DLGAP1: variants seen among roughly 807,000 people sequenced by gnomAD.
The protein encoded by DLGAP1 is disks large-associated protein 1.
In DLGAP1, 11 loss-of-function variants were observed where a neutral mutation model predicts 90.8. That is an observed-to-expected ratio of 0.12 (90% confidence interval 0.08 to 0.20). The LOEUF (loss-of-function observed/expected upper bound fraction) is 0.20. Among genes scored for constraint, DLGAP1 ranks in the 10% least tolerant of loss-of-function variants. The probability of loss-of-function intolerance (pLI) is 1.00; values close to 1 mark genes in which losing one functional copy is unlikely to be tolerated. For synonymous variants in DLGAP1, 558 were observed against 540.7 expected (o/e 1.03, Z -0.44); for missense variants, 1,050 against 1,333.8 (o/e 0.79, Z 3.31).
Position 3,729,358 on chromosome 18 carries a change from C to T in DLGAP1, c.1368G>A (p.Val456=), listed in dbSNP as rs779783305. 30 of 1,613,220 alleles carry T rather than the reference C, an allele frequency of 1.9e-5. No homozygotes were observed. The highest frequency in any genetic ancestry group is 6.7e-5 in the East Asian group (3 of 44,836). The part of the protein sequence containing the change: ...STISQVSEME[V]NGQFESVCES... ...CGCACACGGACTCGAACTGCCCGTT[C>T]ACTTCCATCTCGCTCACCTGCGGGC... Residue 456 remains valine, a synonymous_variant, in exon 7 of 13, where the codon GTG becomes GTA. Coordinates refer to ENST00000315677, the MANE Select transcript of DLGAP1 (RefSeq NM_004746.4). The surrounding 1 kb of genome is among the most constrained non-coding windows in gnomAD (Gnocchi z 6.2).
chr18:3,555,895 T>G (rs1403003582), intron 9 of DLGAP1, among the ~76,000 whole-genome samples: 1 of 152,146 alleles, frequency 6.6e-6, no homozygotes, highest in Non-Finnish European at 1.5e-5. Flanking sequence ...TGAAGTAAAG[T>G]AAAGGAGACG....
chr18:4,336,944 CAAA>C (rs78000211), intron 1 of DLGAP1, among the ~76,000 whole-genome samples: 1,870 of 117,830 alleles, frequency 0.016, 39 homozygotes, highest in African/African-American at 0.052. Flanking sequence ...ACTGAAAATA[CAAA>C]AAAAAAAAAA....
At chr18:3,964,683 A>G in intron 3 of DLGAP1, among the ~76,000 whole-genome samples, 1 of 152,196 alleles carries the variant, frequency 6.6e-6, no homozygotes, top group African/African-American at 2.4e-5. Flanking sequence ...TCTATACACG[A>G]AGGCCTAACA....
At chr18:3,829,548 C>T (rs1291683117) in intron 4 of DLGAP1, among the ~76,000 whole-genome samples, 1 of 150,892 alleles carries the variant, frequency 6.6e-6, no homozygotes, top group East Asian at 1.9e-4. Context: ...CAGAAGAGAA[C>T]AGGAAAAAAA....
intron 1 of DLGAP1, among the ~76,000 whole-genome samples, chr18:4,234,654 A>G (rs1192431705): frequency 6.6e-6 from 1 of 152,210 alleles, no homozygotes; most frequent in Admixed American, 6.5e-5. Context: ...TCTTTGAATC[A>G]TATTTTAGCA....
At chr18:3,923,494 T>C (rs1479091579) in intron 3 of DLGAP1, among the ~76,000 whole-genome samples, 1 of 152,216 alleles carries the variant, frequency 6.6e-6, no homozygotes, top group Non-Finnish European at 1.5e-5. Flanking sequence ...GCTTTGTCAG[T>C]CAAGTTTTAC....
intron 1 of DLGAP1, among the ~76,000 whole-genome samples, chr18:4,386,497 T>C (rs1265923819): frequency 1.3e-5 from 2 of 152,224 alleles, no homozygotes; most frequent in Admixed American, 6.5e-5. Context: ...TCATGATTAA[T>C]GTCACATTAG....
chr18:3,530,596 C>T (rs2051926112), intron 10 of DLGAP1, among the ~76,000 whole-genome samples: 1 of 152,134 alleles, frequency 6.6e-6, no homozygotes, highest in African/African-American at 2.4e-5. Context: ...ATCTGATAAA[C>T]TGTGAGTATG....
At chr18:4,384,624 T>C (rs1203176117) in intron 1 of DLGAP1, among the ~76,000 whole-genome samples, 1 of 152,130 alleles carries the variant, frequency 6.6e-6, no homozygotes, top group East Asian at 1.9e-4. Context: ...TTCCTCGTAC[T>C]AATATAGCTG....
chr18:3,832,499 A>C (rs1488502820), intron 4 of DLGAP1, among the ~76,000 whole-genome samples: 1 of 152,190 alleles, frequency 6.6e-6, no homozygotes, highest in Non-Finnish European at 1.5e-5. Context: ...CCAGTTAGTA[A>C]TTATTCGTTT....
chr18:4,087,937 T>G (rs1174275047), intron 2 of DLGAP1, among the ~76,000 whole-genome samples: 1 of 152,104 alleles, frequency 6.6e-6, no homozygotes, highest in Non-Finnish European at 1.5e-5. Context: ...ATGTTTAGAC[T>G]AAAATCTAAC....
intron 2 of DLGAP1, among the ~76,000 whole-genome samples, chr18:4,080,343 A>C (rs2075587563): frequency 6.6e-6 from 1 of 152,130 alleles, no homozygotes; most frequent in Admixed American, 6.6e-5. Context: ...GTTAAATATA[A>C]ATTAAAGAAA....
intron 4 of DLGAP1, among the ~76,000 whole-genome samples, chr18:3,838,617 A>T (rs921246458): frequency 6.6e-5 from 10 of 152,220 alleles, no homozygotes; most frequent in Admixed American, 5.9e-4. Context: ...ACATTTAATC[A>T]CTTGATAACT....
chr18:4,379,276 G>A (rs1421394911), intron 1 of DLGAP1, among the ~76,000 whole-genome samples: 1 of 152,116 alleles, frequency 6.6e-6, no homozygotes, highest in Non-Finnish European at 1.5e-5. Context: ...GATGGGACAG[G>A]AATAGCTGCT....
At chr18:3,942,903 T>C (rs1211550630) in intron 3 of DLGAP1, among the ~76,000 whole-genome samples, 3 of 152,108 alleles carry the variant, frequency 2.0e-5, no homozygotes, top group Non-Finnish European at 4.4e-5. Flanking sequence ...GGTAGAATTT[T>C]GGAGCTGGGA....
At chr18:4,235,719 CTTTTTTTTTT>C (rs1175101805) in intron 1 of DLGAP1, among the ~76,000 whole-genome samples, 3 of 80,252 alleles carry the variant, frequency 3.7e-5, no homozygotes, top group East Asian at 8.4e-4. Context: ...ATTTCAATGT[CTTTTTTTTTT>C]TTTTTTTTTT....
chr18:3,581,871 T>C lies in DLGAP1; in HGVS notation c.1965+4A>G, dbSNP rs1300717814. On this transcript the variant is annotated splice_donor_region_variant and intron_variant, in intron 8 of 12. Coordinates refer to ENST00000315677, the MANE Select transcript of DLGAP1 (RefSeq NM_004746.4). ...TTTCAAAGGATAGAAAGGGAGGCTG[T>C]TACCTGTATCCCGATAGACAGGCAT... 10 of 1,612,950 alleles carry C rather than the reference T, an allele frequency of 6.2e-6. No homozygotes were observed. Among genetic ancestry groups the C allele is most frequent in the Non-Finnish European group, 8.5e-6 (10 of 1,179,068 alleles).
intron 1 of DLGAP1, among the ~76,000 whole-genome samples, chr18:4,285,070 C>T (rs606071): frequency 0.66 from 100,229 of 151,570 alleles, 34,477 homozygotes; most frequent in East Asian, 0.79. Context: ...GTAATAATTT[C>T]TACTTTTTGT....
At chr18:3,589,350 G>A (rs770036850) in intron 7 of DLGAP1, among the ~76,000 whole-genome samples, 13 of 152,122 alleles carry the variant, frequency 8.5e-5, no homozygotes, top group Non-Finnish European at 1.8e-4. Context: ...GTGTCAGGCG[G>A]CCACAAAACA....
Sources: allele counts gnomAD v4.1 joint callset (sites outside exome capture counted in the v4.1 genomes callset), GRCh38; gene constraint gnomAD v4.1.1; non-coding constraint Gnocchi (gnomAD v3.1); transcripts MANE v1.5; gene names NCBI Gene and HGNC (gene_info 2026-07-23, HGNC 2026-07-21).